SPAG9: variants seen among roughly 807,000 people sequenced by gnomAD.
SPAG9 encodes sperm associated antigen 9, also known as C-Jun-amino-terminal kinase-interacting protein 4.
In SPAG9, 35 loss-of-function variants were observed where a neutral mutation model predicts 166.5. The ratio of observed to expected loss-of-function variants is 0.21; its 90% CI spans 0.16 to 0.28. The LOEUF (loss-of-function observed/expected upper bound fraction) is 0.28. Ranked by LOEUF, SPAG9 falls within the 10% of genes least tolerant of loss-of-function variation. SPAG9 has a pLI of 1.00. For missense variants in SPAG9, 1,235 were observed against 1,603.3 expected (o/e 0.77, Z 3.92); for synonymous variants, 534 against 565.5 (o/e 0.94, Z 0.79).
At chr17:51,027,836 T>C (rs2046243557) in intron 6 of SPAG9, among the ~76,000 whole-genome samples, 1 of 152,202 alleles carries the variant, frequency 6.6e-6, no homozygotes, top group Non-Finnish European at 1.5e-5. Context: ...TTAAAAATAA[T>C]AATAAAGTTA....
intron 9 of SPAG9, among the ~76,000 whole-genome samples, chr17:51,013,015 G>A (rs1414592951): frequency 6.6e-6 from 1 of 152,122 alleles, no homozygotes; most frequent in South Asian, 2.1e-4. Flanking sequence ...ACAGGCGTGA[G>A]CCACTGCAAC....
intron 15 of SPAG9, among the ~76,000 whole-genome samples, chr17:50,998,026 T>A (rs2044754724): frequency 7.4e-6 from 1 of 134,834 alleles, no homozygotes; most frequent in African/African-American, 3.1e-5. Context: ...GAAATGATTT[T>A]TTTTTTTTTT....
chr17:50,979,960 G>C, intron 25 of SPAG9, 43 bp from the exon 26 acceptor site: 1 of 1,581,844 alleles, frequency 6.3e-7, no homozygotes, highest in Non-Finnish European at 8.7e-7. Flanking sequence ...TTGCTACATA[G>C]AATTTCATAT....
intron 1 of SPAG9, among the ~76,000 whole-genome samples, chr17:51,099,868 G>A (rs1215577863): frequency 6.6e-6 from 1 of 150,664 alleles, no homozygotes; most frequent in Admixed American, 6.7e-5. Flanking sequence ...GGGAGGCCGA[G>A]ACAGGTGGAT....
At chr17:51,094,262 G>A (rs2048552240) in intron 1 of SPAG9, among the ~76,000 whole-genome samples, 1 of 151,976 alleles carries the variant, frequency 6.6e-6, no homozygotes, top group African/African-American at 2.4e-5. Context: ...AAAACATGAA[G>A]GATAATTAAG....
At chr17:51,008,680 G>A (rs1158697121) in intron 9 of SPAG9, among the ~76,000 whole-genome samples, 1 of 151,820 alleles carries the variant, frequency 6.6e-6, no homozygotes, top group Non-Finnish European at 1.5e-5. Context: ...CAAAGATCAG[G>A]GTACTTACAC....
At chr17:51,010,600 T>TATATAC (rs1555638956) in intron 9 of SPAG9, among the ~76,000 whole-genome samples, 19 of 145,980 alleles carry the variant, frequency 1.3e-4, no homozygotes, top group South Asian at 2.1e-4. Flanking sequence ...TATATATATA[T>TATATAC]ACATATATGT....
chr17:51,008,391 CA>C (rs1029302138), intron 9 of SPAG9, among the ~76,000 whole-genome samples: 2 of 151,104 alleles, frequency 1.3e-5, no homozygotes, highest in Non-Finnish European at 3.0e-5. Context: ...CAAAACAAAA[CA>C]AAAAAAACCC....
At chr17:51,109,247 T>C (rs975912845) in intron 1 of SPAG9, among the ~76,000 whole-genome samples, 2 of 151,992 alleles carry the variant, frequency 1.3e-5, no homozygotes, top group African/African-American at 2.4e-5. Flanking sequence ...TTTTCTTTTT[T>C]CTTTTTTGAG....
intron 2 of SPAG9, among the ~76,000 whole-genome samples, chr17:51,074,813 T>C (rs1311464083): frequency 6.6e-6 from 1 of 152,054 alleles, no homozygotes; most frequent in Non-Finnish European, 1.5e-5. Flanking sequence ...AAAAAAGGTA[T>C]GACTCTCTGG....
At chr17:51,036,543 C>A (rs2046591212) in intron 5 of SPAG9, among the ~76,000 whole-genome samples, 1 of 152,064 alleles carries the variant, frequency 6.6e-6, no homozygotes, top group Admixed American at 6.6e-5. Flanking sequence ...TCCACTCCAG[C>A]CCCCTCTCCC....
At chr17:51,034,791 C>T (rs764462647) in intron 5 of SPAG9, among the ~76,000 whole-genome samples, 1 of 152,182 alleles carries the variant, frequency 6.6e-6, no homozygotes, top group Non-Finnish European at 1.5e-5. Context: ...AACAGGGTAT[C>T]TGCACAGTCT....
At chr17:51,063,279 G>A (rs144833287) in intron 2 of SPAG9, among the ~76,000 whole-genome samples, 4 of 151,978 alleles carry the variant, frequency 2.6e-5, no homozygotes, top group African/African-American at 9.6e-5. Context: ...GGGCGTGGTG[G>A]TGCATGCCTG....
intron 4 of SPAG9, among the ~76,000 whole-genome samples, chr17:51,043,272 G>C (rs1010941664): frequency 6.6e-6 from 1 of 152,112 alleles, no homozygotes; most frequent in Admixed American, 6.5e-5. Flanking sequence ...AAAGTGACTA[G>C]TCAGCTACCA....
chr17:51,037,694 G>A (rs1179990764), intron 5 of SPAG9, among the ~76,000 whole-genome samples: 32 of 94,754 alleles, frequency 3.4e-4, no homozygotes, highest in African/African-American at 8.2e-4. Context: ...TAGTGTGTGT[G>A]TGTGTGTGTG....
intron 9 of SPAG9, among the ~76,000 whole-genome samples, chr17:51,011,495 G>T (rs1210858070): frequency 6.6e-6 from 1 of 151,302 alleles, no homozygotes; most frequent in African/African-American, 2.4e-5. Flanking sequence ...CAATTCTCCT[G>T]CCTCAGCCTC....
rs1321523403 is a variant in SPAG9 at position 50,995,311 on chromosome 17, C to T, written c.2059-87G>A. On this transcript the variant is annotated intron_variant, in intron 17 of 29. Transcript: ENST00000262013. ...TTAAAATAACTAATGGTTGTAAATA[C>T]AGGTCTTATAACCTAATATTATAAA... 1.6e-5 allele frequency: 21 copies of T among 1,339,132 alleles called. No individual in the cohort carries two copies. In the South Asian group the frequency reaches 1.9e-4, roughly 12 times the overall value. The allele number at this position is 1,339,132 out of a possible 1,614,324, so 83.0% of individuals were successfully genotyped here.
At chr17:51,108,312 A>C (rs2049010947) in intron 1 of SPAG9, among the ~76,000 whole-genome samples, 1 of 151,236 alleles carries the variant, frequency 6.6e-6, no homozygotes. Context: ...ACTTGAACCC[A>C]GGAGGCAGAG....
chr17:51,096,669 A>G (rs559692693), intron 1 of SPAG9, among the ~76,000 whole-genome samples: 1 of 152,306 alleles, frequency 6.6e-6, no homozygotes, highest in African/African-American at 2.4e-5. Flanking sequence ...AAGAATGGAT[A>G]GTGGTATATT....
Sources: gnomAD v4.1 joint callset for allele counts (sites outside exome capture counted in the v4.1 genomes callset) on GRCh38, gnomAD v4.1.1 for gene constraint, MANE v1.5 for transcripts, NCBI Gene and HGNC (gene_info 2026-07-23, HGNC 2026-07-21) for gene names.